FMN1: variants seen among roughly 807,000 people sequenced by gnomAD.
The protein encoded by FMN1 is formin-1.
FMN1 carries 110 observed loss-of-function variants against 132.4 expected under a neutral mutation model. That is an observed-to-expected ratio of 0.83 (90% CI 0.71 to 0.97). FMN1 has a LOEUF of 0.97. Ranked by LOEUF, FMN1 falls within the 50% of genes least tolerant of loss-of-function variation. The pLI, the probability that FMN1 is intolerant of heterozygous loss-of-function variation, is 0.00. For synonymous variants in FMN1, 722 were observed against 651.7 expected (o/e 1.11, Z -1.64); for missense variants, 1,792 against 1,705.3 (o/e 1.05, Z -0.90).
At chr15:32,843,146 A>G (rs530111380) in intron 17 of FMN1, among the ~76,000 whole-genome samples, 2 of 152,164 alleles carry the variant, frequency 1.3e-5, no homozygotes, top group East Asian at 1.9e-4. Context: ...AAAAAAAAAA[A>G]AAGAAAGAAA....
At chr15:32,971,016 C>T (rs994182259) in intron 7 of FMN1, among the ~76,000 whole-genome samples, 4 of 152,134 alleles carry the variant, frequency 2.6e-5, no homozygotes, top group Admixed American at 1.3e-4. Flanking sequence ...CGCTGAGTGC[C>T]GAGTTTGGAC....
chr15:33,019,440 C>T (rs1305410631), intron 6 of FMN1, among the ~76,000 whole-genome samples: 1 of 152,230 alleles, frequency 6.6e-6, no homozygotes, highest in African/African-American at 2.4e-5. Context: ...GGATCCTGCA[C>T]CGGGGCCGCA....
chr15:32,810,886 G>A (rs1282875095), intron 17 of FMN1: 1 of 446,826 alleles, frequency 2.2e-6, no homozygotes, highest in African/African-American at 2.0e-5. Flanking sequence ...AAACCAACAG[G>A]ACGCACAGTT....
chr15:32,932,365 C>T (rs1478014576), intron 9 of FMN1, among the ~76,000 whole-genome samples: 1 of 152,210 alleles, frequency 6.6e-6, no homozygotes, highest in African/African-American at 2.4e-5. Flanking sequence ...TGTGCCACTG[C>T]ACTCCAGCCT....
intron 18 of FMN1, among the ~76,000 whole-genome samples, chr15:32,802,750 C>G (rs1015080187): frequency 2.0e-5 from 3 of 152,194 alleles, no homozygotes; most frequent in Admixed American, 2.0e-4. Flanking sequence ...TCTGTTTGGC[C>G]TGACACCAAC....
intron 7 of FMN1, among the ~76,000 whole-genome samples, chr15:33,004,409 C>T (rs1455363775): frequency 3.9e-5 from 6 of 152,200 alleles, no homozygotes; most frequent in Non-Finnish European, 7.3e-5. Flanking sequence ...CAAAAGAAGA[C>T]ATTTATGCAG....
chr15:33,079,894 T>C (rs1307716262), intron 5 of FMN1, among the ~76,000 whole-genome samples: 1 of 152,226 alleles, frequency 6.6e-6, no homozygotes, highest in African/African-American at 2.4e-5. Flanking sequence ...ACAATGATTT[T>C]TCCAAATTGA....
intron 6 of FMN1, among the ~76,000 whole-genome samples, chr15:33,023,307 C>T (rs1008003796): frequency 2.0e-5 from 3 of 151,834 alleles, no homozygotes; most frequent in African/African-American, 7.3e-5. Context: ...TCAAGCCAAA[C>T]TTTCAAAACA....
chr15:33,129,159 A>G (rs936988925), intron 4 of FMN1, among the ~76,000 whole-genome samples: 2 of 152,216 alleles, frequency 1.3e-5, no homozygotes, highest in Non-Finnish European at 2.9e-5. Context: ...TTTAAAGCTC[A>G]ATGTAACTCG....
intron 4 of FMN1, among the ~76,000 whole-genome samples, chr15:33,144,827 A>G (rs894698829): frequency 2.6e-5 from 4 of 152,168 alleles, no homozygotes; most frequent in Non-Finnish European, 5.9e-5. Context: ...GCATCATTTC[A>G]TCATTGGAAA....
At chr15:33,058,419 A>G (rs2037333219) in intron 6 of FMN1, among the ~76,000 whole-genome samples, 1 of 152,168 alleles carries the variant, frequency 6.6e-6, no homozygotes, top group Non-Finnish European at 1.5e-5. Flanking sequence ...TAAAATAAAA[A>G]TGTTTGCTCA....
chr15:33,041,802 A>G (rs2036452486), intron 6 of FMN1, among the ~76,000 whole-genome samples: 1 of 152,192 alleles, frequency 6.6e-6, no homozygotes, highest in Admixed American at 6.5e-5. Flanking sequence ...TGTTTAATGC[A>G]CATAGTGTCA....
chr15:33,080,560 C>CT (rs542680332), intron 5 of FMN1, among the ~76,000 whole-genome samples: 173 of 152,208 alleles, frequency 1.1e-3, no homozygotes, highest in African/African-American at 4.0e-3. Flanking sequence ...CAAGACCAGC[C>CT]TGGCCAATGT....
intron 4 of FMN1, among the ~76,000 whole-genome samples, chr15:33,089,277 G>C (rs1274803514): frequency 3.3e-5 from 5 of 152,308 alleles, no homozygotes; most frequent in African/African-American, 4.8e-5. Context: ...AGAGGAGCTA[G>C]GGGACAGAAG....
intron 4 of FMN1, among the ~76,000 whole-genome samples, chr15:33,104,016 A>G (rs2039390652): frequency 6.6e-6 from 1 of 152,064 alleles, no homozygotes; most frequent in African/African-American, 2.4e-5. Flanking sequence ...CATCGGCAAA[A>G]TTTTCAGGAA....
At chr15:33,117,004 T>A (rs1330478105) in intron 4 of FMN1, among the ~76,000 whole-genome samples, 1 of 152,170 alleles carries the variant, frequency 6.6e-6, no homozygotes, top group Non-Finnish European at 1.5e-5. Flanking sequence ...CACAACCAAT[T>A]AAGTGTGGCA....
At chr15:33,018,610 G>C (rs567725900) in intron 6 of FMN1, among the ~76,000 whole-genome samples, 1 of 152,290 alleles carries the variant, frequency 6.6e-6, no homozygotes, top group African/African-American at 2.4e-5. Flanking sequence ...CTTGTCCTAT[G>C]CATCTCTTCA....
intron 17 of FMN1, among the ~76,000 whole-genome samples, chr15:32,846,613 G>T (rs1330177622): frequency 6.6e-6 from 1 of 152,202 alleles, no homozygotes; most frequent in African/African-American, 2.4e-5. Context: ...CTGTTGGTGG[G>T]AATGTAAATT....
intron 15 of FMN1, among the ~76,000 whole-genome samples, chr15:32,896,446 TATAAC>T (rs898886737): frequency 1.1e-4 from 16 of 152,134 alleles, no homozygotes; most frequent in African/African-American, 3.9e-4. Flanking sequence ...AAAAACCCCC[TATAAC>T]ATGATATCTG....
Sources: gnomAD v4.1 joint callset for allele counts (sites outside exome capture counted in the v4.1 genomes callset) on GRCh38, gnomAD v4.1.1 for gene constraint, MANE v1.5 for transcripts, NCBI Gene and HGNC (gene_info 2026-07-23, HGNC 2026-07-21) for gene names.